The following PPWD1 variants were observed in gnomAD, a reference collection of about 807,000 sequenced individuals.
PPWD1 encodes peptidylprolyl isomerase domain and WD repeat-containing protein 1.
PPWD1 carries 43 observed loss-of-function variants against 68.8 expected under a neutral mutation model. That is an observed-to-expected ratio of 0.62 (90% CI 0.49 to 0.81). The LOEUF is 0.81. PPWD1 is among the 30% of genes least tolerant of loss of function. The pLI is 0.00. For missense variants in PPWD1, 672 were observed against 804.8 expected (o/e 0.83, Z 2.00); for synonymous variants, 232 against 258.7 (o/e 0.90, Z 0.99).
chr5:65,572,380 T>A, intron 5 of PPWD1, 94 bp downstream of exon 5: 1 of 1,247,678 alleles, frequency 8.0e-7, no homozygotes, highest in Non-Finnish European at 1.1e-6. Context: ...CAGATAGACA[T>A]TTAGATAGAC....
chr5:65,564,356 G>T (rs1463376560), intron 1 of PPWD1, among the ~76,000 whole-genome samples: 1 of 131,746 alleles, frequency 7.6e-6, no homozygotes, highest in African/African-American at 2.9e-5. Context: ...ACGGAGTCTC[G>T]CTCTGTCGCC....
chr5:65,587,177 T>G (rs192595555), intron 10 of PPWD1, 76 bp from the exon 11 acceptor site: 1 of 1,413,746 alleles, frequency 7.1e-7, no homozygotes, highest in Non-Finnish European at 9.5e-7. Flanking sequence ...TAAATTCTCT[T>G]TAATTTGCTC....
chr5:65,581,899 A>G (rs1401774084), intron 7 of PPWD1, among the ~76,000 whole-genome samples: 1 of 152,224 alleles, frequency 6.6e-6, no homozygotes, highest in African/African-American at 2.4e-5. Flanking sequence ...ACATGAAATA[A>G]AAGTATAATT....
chr5:65,578,808 G>GTATATATATATATATACATATATATGTA (rs1174295414), intron 6 of PPWD1, among the ~76,000 whole-genome samples: 1 of 123,166 alleles, frequency 8.1e-6, no homozygotes, highest in African/African-American at 3.2e-5. Context: ...ATATATATGT[G>GTATATATATATATATACATATATATGTA]TATATATATA....
intron 2 of PPWD1, chr5:65,568,897 G>A (rs907676084): frequency 2.0e-5 from 9 of 455,100 alleles, no homozygotes; most frequent in Non-Finnish European, 3.5e-5. Flanking sequence ...AAATATTTTT[G>A]TTTTGTTTTT....
chr5:65,569,287 A>T (rs1258804301), intron 2 of PPWD1: 1 of 276,244 alleles, frequency 3.6e-6, no homozygotes. Context: ...ACTGACAAAT[A>T]GTTTATTTTC....
intron 7 of PPWD1, 119 bp downstream of exon 7, chr5:65,579,732 C>A: frequency 1.7e-6 from 1 of 588,096 alleles, no homozygotes; most frequent in Non-Finnish European, 2.6e-6. Flanking sequence ...TCCTAAACAA[C>A]CAGAATACCA....
chr5:65,563,945 GGTAGGTAAAGAT>G lies in PPWD1; in HGVS notation c.196+440_196+451del, dbSNP rs1406093422. 4 of 1,075,130 alleles carry G rather than the reference GGTAGGTAAAGAT, an allele frequency of 3.7e-6. No individual in the cohort carries two copies. In the African/African-American group the frequency reaches 6.3e-5, roughly 17 times the overall value. 66.6% of individuals were successfully genotyped at this position (1,075,130 alleles called of 1,614,324 possible). On this transcript the variant is annotated intron_variant, in intron 1 of 10. Coordinates refer to ENST00000261308, the MANE Select transcript of PPWD1 (RefSeq NM_015342.4). The stretch of plus-strand genomic sequence containing the variant: ...GAAGGCGGTGCTTATTTCGAATCAT[GGTAGGTAAAGAT>G]AATTTCAACTCTGACACTTCCACTA...
In PPWD1 at chr5:65,576,735, C is replaced by G. The variant is rs1476342988; in HGVS notation, c.970-144C>G. Reference sequence around the variant, plus strand: ...GTCTATTTCATATTGTTTAGAATCCCTCTTAAGAAGTACAAACAGTTAGTG... The same window carrying G: ...GTCTATTTCATATTGTTTAGAATCCGTCTTAAGAAGTACAAACAGTTAGTG... On this transcript the variant is annotated intron_variant, in intron 5 of 10. Coordinates refer to ENST00000261308, the MANE Select transcript of PPWD1 (RefSeq NM_015342.4). 6.6e-6 allele frequency: 9 copies of G among 1,354,894 alleles called. No individual in the cohort carries two copies. In the South Asian group the frequency reaches 1.6e-4, roughly 23 times the overall value. 83.9% of individuals were successfully genotyped at this position (1,354,894 alleles called of 1,614,324 possible).
At position 65,571,806 on chromosome 5, in the gene PPWD1, TTTTTTTTCCCTCTCAATTC is replaced by T; in HGVS notation, c.522-29_522-11del. ...GGATGCTTGCTTGTTGTGCTGACCT[TTTTTTTTCCCTCTCAATTC>T]TTTACGATTTTAGCTATTTTCCTGG... On this transcript the variant is annotated splice_polypyrimidine_tract_variant and intron_variant, in intron 4 of 10. Coordinates refer to ENST00000261308, the MANE Select transcript of PPWD1 (RefSeq NM_015342.4). 6.3e-7 allele frequency: 1 copy of T among 1,595,672 alleles called. No homozygotes were observed. The highest frequency in any genetic ancestry group is 8.5e-7 in the Non-Finnish European group (1 of 1,170,528).
At chr5:65,573,516 G>GTTTGTTTTTTTTT (rs1753122949) in intron 5 of PPWD1, among the ~76,000 whole-genome samples, 5 of 15,436 alleles carry the variant, frequency 3.2e-4, no homozygotes, top group African/African-American at 9.0e-4. Flanking sequence ...AGTACAGATG[G>GTTTGTTTTTTTTT]TTTTTTTTTT....
intron 7 of PPWD1, among the ~76,000 whole-genome samples, chr5:65,581,625 A>G (rs1359322719): frequency 6.6e-6 from 1 of 152,206 alleles, no homozygotes; most frequent in East Asian, 1.9e-4. Context: ...CTTGATATAC[A>G]CTCAAAACAC....
In PPWD1 at chr5:65,577,087, G is replaced by A. The variant is rs1045232718; in HGVS notation, c.1160+18G>A. ...ACAAACCGGTAAGCTTTAATATGAG[G>A]TATGTTTTTTAAAAATGTGTTTGTG... On this transcript the variant is annotated intron_variant, in intron 6 of 10. Coordinates refer to ENST00000261308, the MANE Select transcript of PPWD1 (RefSeq NM_015342.4). 6 of 1,588,036 alleles carry A rather than the reference G, an allele frequency of 3.8e-6. No individual in the cohort carries two copies. The highest frequency in any genetic ancestry group is 1.1e-5 in the South Asian group (1 of 88,256).
At chr5:65,584,900 T>G (rs1753759490) in intron 8 of PPWD1, 114 bp from the exon 9 acceptor site, 1 of 1,397,942 alleles carries the variant, frequency 7.2e-7, no homozygotes. Flanking sequence ...CAACTGTCCT[T>G]CTGAAACATT....
chr5:65,573,528 T>G (rs1161831197), intron 5 of PPWD1, among the ~76,000 whole-genome samples: 6 of 43,744 alleles, frequency 1.4e-4, no homozygotes. Flanking sequence ...TTTTTTTTTT[T>G]TTTTTTTTTT....
chr5:65,583,254 A>G (rs764325234), intron 8 of PPWD1, 35 bp downstream of exon 8: 3 of 1,443,684 alleles, frequency 2.1e-6, no homozygotes, highest in Admixed American at 2.4e-5. Flanking sequence ...GGCTTATGTA[A>G]TTAAGAATGT....
Position 65,587,429 on chromosome 5 carries a change from AAATAC to A in PPWD1, c.*38_*42del. On this transcript the variant is annotated 3_prime_UTR_variant, in exon 11 of 11. Coordinates refer to ENST00000261308, the MANE Select transcript of PPWD1 (RefSeq NM_015342.4). ...TTTGTTTTAATGTACTTGCAAATAA[AAATAC>A]AATATTAAACAGATTATTTTACATT... 6.6e-7 allele frequency: 1 copy of A among 1,525,310 alleles called. No individual in the cohort carries two copies. The highest frequency in any genetic ancestry group is 9.0e-7 in the Non-Finnish European group (1 of 1,108,452). 94.5% of individuals were successfully genotyped at this position (1,525,310 alleles called of 1,614,324 possible).
intron 2 of PPWD1, chr5:65,568,847 G>GTA (rs930104282): frequency 6.7e-6 from 3 of 450,676 alleles, no homozygotes; most frequent in Non-Finnish European, 1.3e-5. Flanking sequence ...TGGTAAAACA[G>GTA]TATATATATA....
intron 4 of PPWD1, 144 bp downstream of exon 4, chr5:65,570,142 A>AT: frequency 8.1e-7 from 1 of 1,233,046 alleles, no homozygotes; most frequent in Non-Finnish European, 1.1e-6. Flanking sequence ...GGAAAATTAG[A>AT]TACAGTGAAG....
Sources: allele counts gnomAD v4.1 joint callset (sites outside exome capture counted in the v4.1 genomes callset), GRCh38; gene constraint gnomAD v4.1.1; transcripts MANE v1.5; gene names NCBI Gene and HGNC (gene_info 2026-07-23, HGNC 2026-07-21).